Variants in PER3 observed in about 807,000 individuals in gnomAD.
PER3 encodes period circadian regulator 3.
Under a neutral mutation model 127.2 loss-of-function variants are expected in PER3, and 107 were observed. The observed-to-expected ratio is 0.84, with a 90% CI of 0.72 to 0.99. PER3 has a LOEUF of 0.99. Ranked by LOEUF, PER3 falls within the 50% of genes least tolerant of loss-of-function variation. PER3 has a pLI of 0.00. For missense variants in PER3, 1,560 were observed against 1,525.8 expected, an observed-to-expected ratio of 1.02 and a Z score of -0.37; for synonymous variants, 618 against 585.8, an observed-to-expected ratio of 1.05 and a Z score of -0.79.
chr1:7,828,904 A>G (rs2097315334), intron 18 of PER3, among the ~76,000 whole-genome samples: 2 of 152,192 alleles, frequency 1.3e-5, no homozygotes, highest in Admixed American at 1.3e-4. Context: ...CAGTGCCTAG[A>G]ACATATAAAT....
chr1:7,808,779 G>T, intron 10 of PER3, 114 bp from the exon 11 acceptor site: 2 of 652,574 alleles, frequency 3.1e-6, no homozygotes, highest in South Asian at 1.8e-5. Context: ...TTTTTCTTTG[G>T]AGTCAAAGAA....
At chr1:7,796,032 C>A (rs1049419144) in intron 6 of PER3, among the ~76,000 whole-genome samples, 1 of 152,164 alleles carries the variant, frequency 6.6e-6, no homozygotes, top group African/African-American at 2.4e-5. Context: ...CATCTTTGGC[C>A]AGTAGGAATC....
chr1:7,818,116 C>T (rs1034817486), intron 13 of PER3, among the ~76,000 whole-genome samples: 1 of 152,156 alleles, frequency 6.6e-6, no homozygotes, highest in African/African-American at 2.4e-5. Flanking sequence ...TGACCCTGAA[C>T]GGAAAACAAC....
chr1:7,809,776 C>A (rs1577778629), intron 11 of PER3, 117 bp from the exon 12 acceptor site: 1 of 981,190 alleles, frequency 1.0e-6, no homozygotes, highest in Non-Finnish European at 1.5e-6. Flanking sequence ...CCTGCACACA[C>A]CTAATTTAGT....
intron 13 of PER3, among the ~76,000 whole-genome samples, chr1:7,815,991 C>CAAAAAAAAAAAAAAAAAAA (rs34144861): frequency 1.5e-5 from 1 of 67,662 alleles, no homozygotes. Context: ...GACTCCGTCT[C>CAAAAAAAAAAAAAAAAAAA]AAAAAAAAAA....
rs1210715148 is a variant in PER3 at position 7,784,701 on chromosome 1, A to T, written c.-177A>T. ...GAGCTCCGGGTTTTGAAAATGTTGGAGGGAAAAGCTCCTCGGAGATGAGCG... is the reference window on the plus strand; with the variant it reads ...GAGCTCCGGGTTTTGAAAATGTTGGTGGGAAAAGCTCCTCGGAGATGAGCG... On this transcript the variant is annotated 5_prime_UTR_variant, in exon 2 of 22. Coordinates refer to ENST00000377532, the MANE Select transcript of PER3 (RefSeq NM_001377275.1). The T allele has an allele frequency of 1.8e-5, 10 of 560,688 alleles. No homozygotes were observed. The highest frequency in any genetic ancestry group is 2.6e-5 in the Non-Finnish European group (9 of 350,930). 34.7% of individuals were successfully genotyped at this position (560,688 alleles called of 1,614,324 possible). A position where few individuals can be genotyped will look rare whatever the true frequency, so the allele number is the denominator to read the frequency against.
At chr1:7,801,888 C>T (rs1577714265) in intron 8 of PER3, among the ~76,000 whole-genome samples, 1 of 152,202 alleles carries the variant, frequency 6.6e-6, no homozygotes, top group East Asian at 1.9e-4. Flanking sequence ...TGGGAACCAA[C>T]ACACCACACC....
chr1:7,812,718 A>G (rs982802703), intron 13 of PER3, among the ~76,000 whole-genome samples: 7 of 151,706 alleles, frequency 4.6e-5, no homozygotes, highest in Admixed American at 6.6e-5. Context: ...CACTCCTTAG[A>G]TAGATTCTTA....
intron 4 of PER3, among the ~76,000 whole-genome samples, 198 bp downstream of exon 4, chr1:7,787,034 C>T (rs537452505): frequency 4.6e-5 from 7 of 152,350 alleles, no homozygotes; most frequent in African/African-American, 9.6e-5. Context: ...GCAGCCCGTT[C>T]TGTGTGCTGT....
At position 7,804,849 on chromosome 1, in the gene PER3, C is replaced by A. The variant is rs2097186186; in HGVS notation, c.1136+1001C>A. Among the ~76,000 whole-genome samples, 7 of 149,802 alleles carry A rather than the reference C, an allele frequency of 4.7e-5. No homozygotes were observed. The South Asian group carries it at 1.5e-3, about 32-fold the overall frequency. ...TTCTTGTAGGCTACAGTACCCCTAC[C>A]CCTAGGCCCTTGAATCTTTAGTCCT... On this transcript the variant is annotated intron_variant, in intron 10 of 21. Transcript: ENST00000377532.
At chr1:7,804,778 G>A (rs1340612966) in intron 10 of PER3, among the ~76,000 whole-genome samples, 2 of 151,824 alleles carry the variant, frequency 1.3e-5, no homozygotes, top group African/African-American at 4.8e-5. Context: ...GCCCATCCAC[G>A]TAACAGCATC....
chr1:7,836,084 A>T, intron 20 of PER3, 139 bp downstream of exon 20: 1 of 582,994 alleles, frequency 1.7e-6, no homozygotes, highest in African/African-American at 1.9e-5. Context: ...TGCAACCTCC[A>T]TCTCCTGGGT....
intron 11 of PER3, among the ~76,000 whole-genome samples, 179 bp downstream of exon 11, chr1:7,809,177 C>G (rs993975306): frequency 6.6e-5 from 10 of 152,096 alleles, no homozygotes; most frequent in African/African-American, 2.4e-4. Context: ...GTTCCTTATT[C>G]TGTGTTACAC....
chr1:7,802,651 A>G (rs1354745661), intron 8 of PER3, among the ~76,000 whole-genome samples: 2 of 152,206 alleles, frequency 1.3e-5, no homozygotes, highest in Non-Finnish European at 2.9e-5. Flanking sequence ...GCATCTTTCT[A>G]CGTTACGATG....
At chr1:7,806,812 A>AAAAAAAAAAAAAAAT (rs61141023) in intron 10 of PER3, among the ~76,000 whole-genome samples, 1 of 60,630 alleles carries the variant, frequency 1.6e-5, no homozygotes, top group East Asian at 1.2e-3. Context: ...AAAAAAAAAA[A>AAAAAAAAAAAAAAAT]ATATATATAT....
Position 7,788,254 on chromosome 1 carries a change from G to A in PER3, c.592+8G>A. 6.3e-7 allele frequency: 1 copy of A among 1,594,650 alleles called. No individual in the cohort carries two copies. ...ACAACTGGACCCAAAGAGGTAACAGGACCAATGTTCAGATGTCTATCTTTC... is the reference window on the plus strand; with the variant it reads ...ACAACTGGACCCAAAGAGGTAACAGAACCAATGTTCAGATGTCTATCTTTC... On this transcript the variant is annotated splice_region_variant and intron_variant, in intron 5 of 21. Transcript: ENST00000377532.
intron 2 of PER3, 112 bp downstream of exon 2, chr1:7,785,117 T>C: frequency 8.4e-7 from 1 of 1,185,166 alleles, no homozygotes; most frequent in Non-Finnish European, 1.2e-6. Flanking sequence ...CAGGGGAAAG[T>C]GTAAAGGGGA....
intron 6 of PER3, among the ~76,000 whole-genome samples, chr1:7,798,231 A>G (rs559970095): frequency 3.3e-5 from 5 of 152,324 alleles, no homozygotes; most frequent in African/African-American, 1.2e-4. Flanking sequence ...AGAAGGGGAA[A>G]AGTCAAACTG....
rs923589557 is a variant in PER3 at position 7,842,827 on chromosome 1, C to G, written c.*72C>G. ...CAGACAGACCTTTTTAAGTCCTGGA[C>G]TTTTAAATGACCATGAAGTTATCAT... On this transcript the variant is annotated 3_prime_UTR_variant, in exon 22 of 22. Transcript: ENST00000377532. 2 of 1,259,648 alleles carry G rather than the reference C, an allele frequency of 1.6e-6. 1 individual carries two copies. The highest frequency in any genetic ancestry group is 4.9e-5 in the East Asian group (2 of 41,102). The allele number at this position is 1,259,648 out of a possible 1,614,324, so 78.0% of individuals were successfully genotyped here. A position where few individuals can be genotyped will look rare whatever the true frequency, so the allele number is the denominator to read the frequency against.
Sources: allele counts gnomAD v4.1 joint callset (sites outside exome capture counted in the v4.1 genomes callset), GRCh38; gene constraint gnomAD v4.1.1; transcripts MANE v1.5; gene names NCBI Gene and HGNC (gene_info 2026-07-23, HGNC 2026-07-21).